The following PRKAR1B variants were observed in gnomAD, a reference collection of about 807,000 sequenced individuals.
PRKAR1B encodes the protein cAMP-dependent protein kinase type I-beta regulatory subunit.
PRKAR1B carries 22 observed loss-of-function variants against 46.5 expected under a neutral mutation model. The observed-to-expected ratio is 0.47, with a 90% CI of 0.34 to 0.68. PRKAR1B has a LOEUF of 0.68. PRKAR1B is among the 30% of genes least tolerant of loss of function. The pLI is 0.01. For synonymous variants in PRKAR1B, 259 were observed against 217.7 expected (o/e 1.19, Z -1.67); for missense variants, 445 against 535.6 (o/e 0.83, Z 1.67).
intron 4 of PRKAR1B, among the ~76,000 whole-genome samples, chr7:619,409 T>G (rs1782997179): frequency 6.6e-6 from 1 of 152,240 alleles, no homozygotes; most frequent in Admixed American, 6.5e-5. Context: ...GCTCATTTAA[T>G]TCTCACAACA....
intron 9 of PRKAR1B, among the ~76,000 whole-genome samples, chr7:572,189 C>T (rs989071506): frequency 1.1e-4 from 16 of 152,318 alleles, no homozygotes; most frequent in Non-Finnish European, 1.6e-4. Flanking sequence ...GCACAGGGTG[C>T]GGTGGGTACC....
chr7:637,654 T>C (rs980051264), intron 4 of PRKAR1B, among the ~76,000 whole-genome samples: 2 of 151,536 alleles, frequency 1.3e-5, no homozygotes, highest in Non-Finnish European at 2.9e-5. Flanking sequence ...GCCAACATAG[T>C]GAAACTCCGT....
chr7:691,346 C>A (rs1382076377), intron 2 of PRKAR1B, among the ~76,000 whole-genome samples: 1 of 152,208 alleles, frequency 6.6e-6, no homozygotes, highest in Non-Finnish European at 1.5e-5. Flanking sequence ...AAGATCAGGA[C>A]CTCTCTGCCA....
chr7:672,792 C>T (rs1197165822), intron 4 of PRKAR1B, among the ~76,000 whole-genome samples: 1 of 151,816 alleles, frequency 6.6e-6, no homozygotes, highest in Non-Finnish European at 1.5e-5. Context: ...CGCTTGAACC[C>T]GGAGGCGGAC....
chr7:583,910 G>A (rs1234173009), intron 8 of PRKAR1B, among the ~76,000 whole-genome samples: 3 of 152,214 alleles, frequency 2.0e-5, no homozygotes, highest in Non-Finnish European at 2.9e-5. Flanking sequence ...GGCCCAGCTG[G>A]CGCCATCGCG....
chr7:635,214 C>G (rs1376477802), intron 4 of PRKAR1B, among the ~76,000 whole-genome samples: 1 of 152,222 alleles, frequency 6.6e-6, no homozygotes, highest in Non-Finnish European at 1.5e-5. Flanking sequence ...CACCCTGGGA[C>G]CCACATTCCA....
intron 4 of PRKAR1B, 24 bp downstream of exon 4, chr7:677,205 G>A (rs200918495): frequency 3.1e-5 from 50 of 1,611,716 alleles, no homozygotes; most frequent in East Asian, 1.8e-4. Flanking sequence ...CGGTGATGCC[G>A]GGGCAGGGGA....
At position 549,625 on chromosome 7, in the gene PRKAR1B, C is replaced by T. The variant is rs1375337666; in HGVS notation, c.*805G>A. The T allele has an allele frequency of 1.3e-5, 2 of 152,208 alleles. No individual in the cohort carries two copies. Among genetic ancestry groups the T allele is most frequent in the African/African-American group, 2.4e-5 (1 of 41,398 alleles). The allele number at this position is 152,208 out of a possible 1,614,324, so 9.4% of individuals were successfully genotyped here. On this transcript the variant is annotated 3_prime_UTR_variant, in exon 11 of 11. Transcript: ENST00000537384. ...GCGGCTGGCTTGACTTCTGCTTTCCCCCAACATCAACTTGCCCTGGGTGGA... is the reference window on the plus strand; with the variant it reads ...GCGGCTGGCTTGACTTCTGCTTTCCTCCAACATCAACTTGCCCTGGGTGGA...
chr7:570,541 C>T (rs1779441235), intron 9 of PRKAR1B, among the ~76,000 whole-genome samples: 1 of 152,120 alleles, frequency 6.6e-6, no homozygotes. Context: ...CCCAGCAGTC[C>T]CCGAGCCCTC....
chr7:556,065 G>A (rs1778409373), intron 9 of PRKAR1B, among the ~76,000 whole-genome samples: 1 of 152,174 alleles, frequency 6.6e-6, no homozygotes, highest in East Asian at 1.9e-4. Context: ...GGAGTGGCCA[G>A]CACGAATTTT....
chr7:555,150 G>T (rs529682942), intron 9 of PRKAR1B, among the ~76,000 whole-genome samples: 2 of 152,208 alleles, frequency 1.3e-5, no homozygotes, highest in Non-Finnish European at 2.9e-5. Context: ...GCCAGAGAGG[G>T]TCTCACGCTT....
intron 9 of PRKAR1B, among the ~76,000 whole-genome samples, chr7:574,581 T>C (rs531767967): frequency 6.6e-6 from 1 of 152,248 alleles, no homozygotes; most frequent in South Asian, 2.1e-4. Flanking sequence ...GTAGCCGGGA[T>C]TACAGGCACC....
intron 9 of PRKAR1B, among the ~76,000 whole-genome samples, chr7:571,818 G>A (rs1184597471): frequency 2.6e-5 from 4 of 152,212 alleles, no homozygotes; most frequent in African/African-American, 9.6e-5. Flanking sequence ...CCGGCCGAAT[G>A]CCGCTCCACT....
intron 2 of PRKAR1B, among the ~76,000 whole-genome samples, chr7:687,895 A>G (rs1779179191): frequency 1.3e-5 from 2 of 151,894 alleles, no homozygotes; most frequent in African/African-American, 2.4e-5. Flanking sequence ...CAGCAGTTCA[A>G]GACCAGCCTG....
intron 9 of PRKAR1B, among the ~76,000 whole-genome samples, chr7:568,649 C>T (rs1346134560): frequency 6.6e-6 from 1 of 152,236 alleles, no homozygotes; most frequent in Non-Finnish European, 1.5e-5. Context: ...CACGGCCAGC[C>T]CCTGCTGCGG....
rs145556656 is a variant in PRKAR1B, at chr7:553,302, T to C, written c.892-1832A>G. On this transcript the variant is annotated intron_variant, in intron 9 of 10. Transcript: ENST00000537384. ...CAGCAGGTGTTGATGAATGTAGCTC[T>C]GTCGCCGGCCCTGCACGCCGCCGGC... 2.0e-5 allele frequency among the ~76,000 whole-genome samples: 3 copies of C among 152,342 alleles called. No homozygotes were observed. The East Asian group carries it at 5.8e-4, about 29-fold the overall frequency.
intron 2 of PRKAR1B, among the ~76,000 whole-genome samples, chr7:697,836 G>A (rs1199359370): frequency 6.9e-6 from 1 of 145,104 alleles, no homozygotes; most frequent in Non-Finnish European, 1.5e-5. Flanking sequence ...TGTGTACCAG[G>A]CCTCACATAG....
At chr7:678,807 T>C (rs1778491356) in intron 3 of PRKAR1B, among the ~76,000 whole-genome samples, 1 of 152,236 alleles carries the variant, frequency 6.6e-6, no homozygotes, top group African/African-American at 2.4e-5. Flanking sequence ...AAGTGTTGGA[T>C]GGGCGTGGTG....
At chr7:701,822 T>C (rs1218346913) in intron 2 of PRKAR1B, among the ~76,000 whole-genome samples, 1 of 152,180 alleles carries the variant, frequency 6.6e-6, no homozygotes, top group Admixed American at 6.5e-5. Flanking sequence ...TGAAGGAAAC[T>C]GAGAATCTGT....
Sources: gnomAD v4.1 joint callset for allele counts (sites outside exome capture counted in the v4.1 genomes callset) on GRCh38, gnomAD v4.1.1 for gene constraint, MANE v1.5 for transcripts, NCBI Gene and HGNC (gene_info 2026-07-23, HGNC 2026-07-21) for gene names.